Variants in MAP4 observed in about 807,000 individuals in gnomAD.
The protein encoded by MAP4 is microtubule associated protein 4.
MAP4 carries 76 observed loss-of-function variants against 170.2 expected under a neutral mutation model. The ratio of observed to expected loss-of-function variants is 0.45; its 90% confidence interval spans 0.37 to 0.54. The LOEUF (loss-of-function observed/expected upper bound fraction) is 0.54. MAP4 is among the 20% of genes least tolerant of loss of function. The pLI is 0.00. For missense variants in MAP4, 2,506 were observed against 2,748.0 expected, an observed-to-expected ratio of 0.91 and a Z score of 1.97; for synonymous variants, 909 against 994.5, an observed-to-expected ratio of 0.91 and a Z score of 1.62.
intron 1 of MAP4, among the ~76,000 whole-genome samples, chr3:48,084,208 CAAAA>C (rs758278974): frequency 2.5e-5 from 2 of 80,182 alleles, no homozygotes; most frequent in Non-Finnish European, 2.6e-5. Context: ...GACTCAGTCT[CAAAA>C]AAAAAAAAAA....
intron 17 of MAP4, among the ~76,000 whole-genome samples, chr3:47,864,652 TG>T (rs2151359656): frequency 6.7e-6 from 1 of 149,588 alleles, no homozygotes; most frequent in Non-Finnish European, 1.5e-5. Context: ...ACTCCAGCCT[TG>T]GTGACAGATC....
rs943310317 is a variant in MAP4, at chr3:47,875,874, CTT to C, written c.5566_5567del (p.Lys1856AspfsTer15). 6.2e-7 allele frequency: 1 copy of C among 1,612,068 alleles called. No individual in the cohort carries two copies. The highest frequency in any genetic ancestry group is 1.1e-5 in the South Asian group (1 of 90,716). ...TKPLATTQPAKTSTSKAKTQP... is the reference protein window; with the variant it reads ...TKPLATTQPAXTSTSKAKTQP... ...GTGTTTTGGCTTTCGATGTTGAAGTCTTTGCAGGTTGAGTGGTGGCCAAAGGC... is the reference window on the plus strand; with the variant it reads ...GTGTTTTGGCTTTCGATGTTGAAGTCTGCAGGTTGAGTGGTGGCCAAAGGC... On this transcript the variant is annotated frameshift_variant, in exon 12 of 21. Transcript: ENST00000683076. LOFTEE classifies it high-confidence loss of function.
At chr3:47,883,506 T>A (rs942277440) in intron 10 of MAP4, among the ~76,000 whole-genome samples, 2 of 152,242 alleles carry the variant, frequency 1.3e-5, no homozygotes, top group Non-Finnish European at 2.9e-5. Flanking sequence ...ATTACAGGCA[T>A]GAGCCACCAT....
At chr3:47,935,111 C>G (rs1031492644) in intron 3 of MAP4, among the ~76,000 whole-genome samples, 1 of 152,184 alleles carries the variant, frequency 6.6e-6, no homozygotes, top group African/African-American at 2.4e-5. Flanking sequence ...TATTGCTAAT[C>G]CTATAATAAC....
chr3:48,059,514 CAAAAAA>C (rs762700404), intron 1 of MAP4, among the ~76,000 whole-genome samples: 4 of 18,008 alleles, frequency 2.2e-4, no homozygotes, highest in Non-Finnish European at 4.7e-4. Context: ...GACTCCATCT[CAAAAAA>C]AAAAAAAAAA....
intron 8 of MAP4, among the ~76,000 whole-genome samples, chr3:47,913,076 C>G (rs1188115040): frequency 6.6e-6 from 1 of 152,144 alleles, no homozygotes; most frequent in African/African-American, 2.4e-5. Context: ...TTTCAACATT[C>G]TGCTCCTAAA....
At chr3:47,861,353 CTTT>C (rs35553466) in intron 17 of MAP4, among the ~76,000 whole-genome samples, 7 of 132,276 alleles carry the variant, frequency 5.3e-5, no homozygotes, top group African/African-American at 8.6e-5. Flanking sequence ...GAGACTCCGT[CTTT>C]TTTTTTTTTT....
chr3:47,998,362 C>T (rs2100097144), intron 2 of MAP4, among the ~76,000 whole-genome samples: 1 of 152,102 alleles, frequency 6.6e-6, no homozygotes, highest in Admixed American at 6.5e-5. Flanking sequence ...AGAGAAAAGG[C>T]ACAGTAGACA....
chr3:48,088,680 G>A (rs1003486881), intron 1 of MAP4: 5 of 152,428 alleles, frequency 3.3e-5, no homozygotes, highest in Admixed American at 2.0e-4. Flanking sequence ...GGGCCCCGTG[G>A]GGTACCCAGC....
At chr3:47,893,177 T>C (rs1162821054) in intron 10 of MAP4, among the ~76,000 whole-genome samples, 1 of 152,186 alleles carries the variant, frequency 6.6e-6, no homozygotes, top group African/African-American at 2.4e-5. Context: ...AAGAGCTCCA[T>C]CTGTAGCTCT....
chr3:48,062,510 A>AC (rs1255719700), intron 1 of MAP4, among the ~76,000 whole-genome samples: 3 of 150,436 alleles, frequency 2.0e-5, no homozygotes, highest in East Asian at 1.9e-4. Flanking sequence ...AAAAAAAAAA[A>AC]AAAAAAACAT....
chr3:47,971,385 A>G (rs531211110), intron 3 of MAP4, among the ~76,000 whole-genome samples: 8 of 152,236 alleles, frequency 5.3e-5, no homozygotes, highest in African/African-American at 1.9e-4. Context: ...GTGCTTTTGC[A>G]TTTTTCTGAT....
Position 47,915,035 on chromosome 3 carries a change from G to A in MAP4, c.1877-96C>T, listed in dbSNP as rs77997271. The A allele has an allele frequency of 2.3e-3, 3,394 of 1,477,876 alleles. 92 individuals carry two copies. The East Asian group carries it at 0.061, about 26-fold the overall frequency. The allele number at this position is 1,477,876 out of a possible 1,614,324, so 91.5% of individuals were successfully genotyped here. A position where few individuals can be genotyped will look rare whatever the true frequency, so the allele number is the denominator to read the frequency against. On this transcript the variant is annotated intron_variant, in intron 7 of 20. Coordinates refer to ENST00000683076, the MANE Select transcript of MAP4 (RefSeq NM_001385682.1). ...ATTGGATATGGGATTAGTTTCTGAG[G>A]AGTTCTCCTACAAGGGGCAGCAAAG...
At chr3:47,940,596 T>C (rs2100055647) in intron 3 of MAP4, among the ~76,000 whole-genome samples, 1 of 152,220 alleles carries the variant, frequency 6.6e-6, no homozygotes, top group Non-Finnish European at 1.5e-5. Flanking sequence ...ATTGAAGGCA[T>C]TTAACAGAAA....
intron 3 of MAP4, among the ~76,000 whole-genome samples, chr3:47,948,427 T>C (rs765139294): frequency 9.2e-5 from 14 of 151,998 alleles, no homozygotes; most frequent in Non-Finnish European, 1.9e-4. Flanking sequence ...TCTCACTATG[T>C]TGCCCAGGCT....
At chr3:47,921,941 C>A in intron 4 of MAP4, 63 bp from the exon 5 acceptor site, 1 of 774,710 alleles carries the variant, frequency 1.3e-6, no homozygotes, top group Non-Finnish European at 2.3e-6. Context: ...ATTAATATTT[C>A]TTTCTTTCTT....
upstream of MAP4, among the ~76,000 whole-genome samples, chr3:48,021,360 T>A (rs1481841474): frequency 6.6e-6 from 1 of 152,004 alleles, no homozygotes; most frequent in Admixed American, 6.6e-5. Flanking sequence ...TTTGTTTTTT[T>A]TTTTAGACAG....
chr3:47,892,774 AACTAGC>A (rs1191441879), intron 10 of MAP4: 2 of 1,246,190 alleles, frequency 1.6e-6, no homozygotes, highest in African/African-American at 3.1e-5. Context: ...ATTTCCCGTG[AACTAGC>A]ACTCTGTTTA....
At chr3:48,074,676 T>TTTTTTG (rs746281743) in intron 1 of MAP4, among the ~76,000 whole-genome samples, 6 of 90,638 alleles carry the variant, frequency 6.6e-5, no homozygotes, top group Non-Finnish European at 1.0e-4. Context: ...ATCCAGCTAA[T>TTTTTTG]TGTGTGTGTG....
Sources: gnomAD v4.1 joint callset for allele counts (sites outside exome capture counted in the v4.1 genomes callset) on GRCh38, gnomAD v4.1.1 for gene constraint, MANE v1.5 for transcripts, NCBI Gene and HGNC (gene_info 2026-07-23, HGNC 2026-07-21) for gene names.